Variants in STIM2 observed in about 807,000 individuals in gnomAD.
STIM2 encodes stromal interaction molecule 2.
Under a neutral mutation model 85.8 loss-of-function variants are expected in STIM2, and 31 were observed. The ratio of observed to expected loss-of-function variants is 0.36; its 90% CI spans 0.27 to 0.49. The LOEUF is 0.49. Among genes scored for constraint, STIM2 ranks in the 20% least tolerant of loss-of-function variants. STIM2 has a pLI of 0.98. For missense variants in STIM2, 841 were observed against 927.6 expected, an observed-to-expected ratio of 0.91 and a Z score of 1.21; for synonymous variants, 356 against 331.1, an observed-to-expected ratio of 1.08 and a Z score of -0.82.
intron 1 of STIM2, among the ~76,000 whole-genome samples, chr4:26,867,683 A>G (rs918647440): frequency 6.6e-6 from 1 of 152,224 alleles, no homozygotes; most frequent in Non-Finnish European, 1.5e-5. Flanking sequence ...TAATCTATAG[A>G]TGATGATTTC....
At chr4:26,905,956 A>G (rs1480317664) in intron 1 of STIM2, among the ~76,000 whole-genome samples, 5 of 152,180 alleles carry the variant, frequency 3.3e-5, no homozygotes, top group African/African-American at 7.2e-5. Flanking sequence ...GTGTGTGTGT[A>G]TATGTATATA....
At chr4:26,880,306 G>A (rs1156259284) in intron 1 of STIM2, among the ~76,000 whole-genome samples, 1 of 151,984 alleles carries the variant, frequency 6.6e-6, no homozygotes, top group Non-Finnish European at 1.5e-5. Flanking sequence ...TTTTGGTTTT[G>A]TATTTTTTCA....
intron 3 of STIM2, among the ~76,000 whole-genome samples, chr4:26,977,642 C>T (rs534961229): frequency 3.4e-4 from 51 of 152,074 alleles, no homozygotes; most frequent in African/African-American, 1.2e-3. Context: ...ATTCAGGTTA[C>T]TAGTGGGGGA....
At chr4:26,969,746 A>G (rs1726861198) in intron 3 of STIM2, among the ~76,000 whole-genome samples, 1 of 152,156 alleles carries the variant, frequency 6.6e-6, no homozygotes, top group Non-Finnish European at 1.5e-5. Flanking sequence ...AAGTTAGTGA[A>G]TATATGCTTT....
At chr4:26,913,972 A>G (rs1399631236) in intron 1 of STIM2, among the ~76,000 whole-genome samples, 4 of 152,208 alleles carry the variant, frequency 2.6e-5, no homozygotes, top group Admixed American at 2.0e-4. Flanking sequence ...GGAGAAGGCT[A>G]TCTTACATAG....
At chr4:26,945,797 T>C in intron 2 of STIM2, among the ~76,000 whole-genome samples, 1 of 152,208 alleles carries the variant, frequency 6.6e-6, no homozygotes, top group East Asian at 1.9e-4. Context: ...AATGGGGTTT[T>C]TTTTTCTCAT....
chr4:26,863,391 ATTG>A (rs533031771), intron 1 of STIM2, among the ~76,000 whole-genome samples: 197 of 152,294 alleles, frequency 1.3e-3, no homozygotes, highest in African/African-American at 4.5e-3. Flanking sequence ...TACAAATTAA[ATTG>A]TTATTTTAAT....
intron 2 of STIM2, among the ~76,000 whole-genome samples, chr4:26,949,506 A>G (rs1403776605): frequency 1.3e-5 from 2 of 152,164 alleles, no homozygotes; most frequent in East Asian, 3.8e-4. Flanking sequence ...GTGGTTTATT[A>G]TATATATGTA....
chr4:26,891,887 C>T (rs923761557), intron 1 of STIM2, among the ~76,000 whole-genome samples: 1 of 152,184 alleles, frequency 6.6e-6, no homozygotes. Context: ...TGTCTCTACC[C>T]AAGTCTCATC....
At chr4:26,984,359 AT>A (rs1440012327) in intron 3 of STIM2, among the ~76,000 whole-genome samples, 2 of 151,834 alleles carry the variant, frequency 1.3e-5, no homozygotes, top group East Asian at 3.9e-4. Context: ...TATTTCTCCA[AT>A]TTTTTTTGTT....
chr4:26,933,398 A>G lies in STIM2; in HGVS notation c.282+13764A>G, dbSNP rs118047051. Among the ~76,000 whole-genome samples, 22 of 152,320 alleles carry G rather than the reference A, an allele frequency of 1.4e-4. No homozygotes were observed. In the East Asian group the frequency reaches 2.9e-3, roughly 20 times the overall value. ...ATTTACAAGTTGAGGAAAAGGTGAA[A>G]GATACCTAGTAGATTTGATGCAAAT... is the stretch of plus-strand genomic sequence containing the variant. On this transcript the variant is annotated intron_variant, in intron 2 of 11. Transcript: ENST00000467087.
intron 3 of STIM2, among the ~76,000 whole-genome samples, chr4:26,961,922 T>A (rs1291541383): frequency 6.6e-6 from 1 of 152,170 alleles, no homozygotes; most frequent in Non-Finnish European, 1.5e-5. Flanking sequence ...TGGCTTATTT[T>A]TTATTTTTTG....
At chr4:26,962,945 A>T (rs1726540150) in intron 3 of STIM2, among the ~76,000 whole-genome samples, 1 of 152,190 alleles carries the variant, frequency 6.6e-6, no homozygotes, top group Non-Finnish European at 1.5e-5. Context: ...CACAAGTCTT[A>T]ACCTACCTAA....
At chr4:26,886,313 TGTA>T (rs1241614551) in intron 1 of STIM2, among the ~76,000 whole-genome samples, 1 of 152,130 alleles carries the variant, frequency 6.6e-6, no homozygotes, top group Non-Finnish European at 1.5e-5. Flanking sequence ...CAGATATTGT[TGTA>T]GGTATTGGAG....
chr4:26,933,117 A>G (rs1333835687), intron 2 of STIM2, among the ~76,000 whole-genome samples: 1 of 151,726 alleles, frequency 6.6e-6, no homozygotes. Context: ...CCCCGGATAT[A>G]TTAGCGCTTA....
chr4:26,981,659 T>A (rs927895500), intron 3 of STIM2, among the ~76,000 whole-genome samples: 1 of 152,176 alleles, frequency 6.6e-6, no homozygotes, highest in African/African-American at 2.4e-5. Context: ...CTAGTTGTCT[T>A]CAGTATGGAA....
At chr4:26,952,251 A>T (rs1726081126) in intron 2 of STIM2, among the ~76,000 whole-genome samples, 1 of 152,246 alleles carries the variant, frequency 6.6e-6, no homozygotes, top group South Asian at 2.1e-4. Context: ...CTCTATCTCT[A>T]TACAAATTAC....
intron 2 of STIM2, among the ~76,000 whole-genome samples, chr4:26,943,546 T>C (rs1348734765): frequency 2.0e-5 from 3 of 152,192 alleles, no homozygotes; most frequent in Non-Finnish European, 4.4e-5. Context: ...AAATGTTCCA[T>C]GTCCAGCTTG....
At chr4:26,869,640 C>T (rs924869781) in intron 1 of STIM2, among the ~76,000 whole-genome samples, 10 of 151,952 alleles carry the variant, frequency 6.6e-5, no homozygotes, top group Non-Finnish European at 1.0e-4. Context: ...TCAATCTTCC[C>T]GCCTTAGCCT....
Sources: allele counts gnomAD v4.1 joint callset (sites outside exome capture counted in the v4.1 genomes callset), GRCh38; gene constraint gnomAD v4.1.1; transcripts MANE v1.5; gene names NCBI Gene and HGNC (gene_info 2026-07-23, HGNC 2026-07-21).